MEI4: variants seen among roughly 807,000 people sequenced by gnomAD.
MEI4 encodes meiosis-specific protein MEI4.
MEI4 carries 27 observed loss-of-function variants against 31.4 expected under a neutral mutation model. The ratio of observed to expected loss-of-function variants is 0.86; its 90% CI spans 0.63 to 1.19. MEI4 has a LOEUF of 1.19. MEI4 is among the 50% of genes most tolerant of loss of function. The pLI is 0.00. For synonymous variants in MEI4, 122 were observed against 145.4 expected, an observed-to-expected ratio of 0.84 and a Z score of 1.16; for missense variants, 329 against 398.9, an observed-to-expected ratio of 0.82 and a Z score of 1.49.
chr6:77,917,518 C>G (rs943759178), intron 4 of MEI4, among the ~76,000 whole-genome samples: 24 of 146,956 alleles, frequency 1.6e-4, no homozygotes, highest in Non-Finnish European at 2.4e-4. Context: ...TCTCTGATGG[C>G]CAGTGATGGT....
chr6:77,668,156 C>T (rs1293252023), intron 1 of MEI4, among the ~76,000 whole-genome samples: 1 of 152,008 alleles, frequency 6.6e-6, no homozygotes, highest in African/African-American at 2.4e-5. Flanking sequence ...ATCAAGGACT[C>T]ATTAGAGGGG....
At chr6:77,734,986 GT>G (rs1421053576) in intron 2 of MEI4, among the ~76,000 whole-genome samples, 1 of 151,976 alleles carries the variant, frequency 6.6e-6, no homozygotes, top group African/African-American at 2.4e-5. Flanking sequence ...GGCTTGTAGG[GT>G]TTCTGCCGAG....
At chr6:77,832,302 T>C (rs573912590) in intron 4 of MEI4, among the ~76,000 whole-genome samples, 3 of 152,126 alleles carry the variant, frequency 2.0e-5, no homozygotes, top group South Asian at 2.1e-4. Flanking sequence ...TTTTTAATGA[T>C]ATAAACTTTT....
chr6:77,817,426 T>C (rs187861397), intron 3 of MEI4, among the ~76,000 whole-genome samples: 1 of 152,128 alleles, frequency 6.6e-6, no homozygotes, highest in Non-Finnish European at 1.5e-5. Flanking sequence ...GGGAGATCTT[T>C]ATGTTTAAAC....
intron 2 of MEI4, among the ~76,000 whole-genome samples, chr6:77,740,407 G>C (rs1032857998): frequency 2.6e-5 from 4 of 152,038 alleles, no homozygotes; most frequent in Admixed American, 2.6e-4. Context: ...CTGTCAGTGG[G>C]GTGCTGAAGT....
chr6:77,873,832 G>A (rs1163161272), intron 4 of MEI4, among the ~76,000 whole-genome samples: 1 of 152,184 alleles, frequency 6.6e-6, no homozygotes. Context: ...TGGCTAGCCA[G>A]TTTTCCCAGC....
chr6:77,654,285 A>G (rs982195898), intron 1 of MEI4, among the ~76,000 whole-genome samples: 3 of 152,190 alleles, frequency 2.0e-5, no homozygotes, highest in African/African-American at 7.2e-5. Context: ...GTTGACTGTT[A>G]TATCCCTGTG....
chr6:77,770,043 G>T (rs886231396), intron 3 of MEI4, among the ~76,000 whole-genome samples: 1 of 151,738 alleles, frequency 6.6e-6, no homozygotes, highest in Non-Finnish European at 1.5e-5. Flanking sequence ...AGCACCAAGA[G>T]AGCACCTGGG....
chr6:77,836,199 G>C (rs2127713321), intron 4 of MEI4, among the ~76,000 whole-genome samples: 1 of 152,144 alleles, frequency 6.6e-6, no homozygotes, highest in East Asian at 1.9e-4. Context: ...TAATTTTTAA[G>C]TGATTTTTCA....
At chr6:77,730,697 T>C (rs928532664) in intron 2 of MEI4, among the ~76,000 whole-genome samples, 4 of 152,020 alleles carry the variant, frequency 2.6e-5, no homozygotes, top group African/African-American at 9.7e-5. Context: ...TACATATGTA[T>C]ACATGTGCCA....
chr6:77,772,880 A>G (rs183286329), intron 3 of MEI4, among the ~76,000 whole-genome samples: 1 of 152,174 alleles, frequency 6.6e-6, no homozygotes, highest in Admixed American at 6.5e-5. Context: ...ACAAAGAGAA[A>G]TCACTAGCAT....
chr6:77,800,431 T>C (rs1218372056), intron 3 of MEI4, among the ~76,000 whole-genome samples: 1 of 152,228 alleles, frequency 6.6e-6, no homozygotes, highest in African/African-American at 2.4e-5. Flanking sequence ...TACAATCAAG[T>C]CATCTGCAAA....
upstream of MEI4, among the ~76,000 whole-genome samples, chr6:77,652,770 ATG>A (rs945322914): frequency 7.2e-4 from 110 of 152,274 alleles, no homozygotes; most frequent in African/African-American, 2.4e-3. Context: ...AGAGCTCATC[ATG>A]TGTTAGCCAC....
intron 2 of MEI4, among the ~76,000 whole-genome samples, chr6:77,731,709 T>A: frequency 6.6e-6 from 1 of 151,442 alleles, no homozygotes. Flanking sequence ...TGCCCATGCC[T>A]ATGTCCTGAA....
At chr6:77,701,468 C>T (rs1332679856) in intron 2 of MEI4, among the ~76,000 whole-genome samples, 1 of 152,018 alleles carries the variant, frequency 6.6e-6, no homozygotes, top group South Asian at 2.1e-4. Flanking sequence ...TATTATATTA[C>T]ACGGTCATTT....
chr6:77,699,642 G>T (rs191949337), intron 2 of MEI4, among the ~76,000 whole-genome samples: 378 of 152,290 alleles, frequency 2.5e-3, no homozygotes, highest in Non-Finnish European at 3.9e-3. Context: ...TCCTTTGGAG[G>T]AGGAGAGGCA....
chr6:77,828,653 G>T (rs538383253), intron 3 of MEI4, among the ~76,000 whole-genome samples: 1 of 152,120 alleles, frequency 6.6e-6, no homozygotes, highest in African/African-American at 2.4e-5. Flanking sequence ...TATTCATTCT[G>T]TATATAGCCT....
chr6:77,736,163 G>A (rs915126797), intron 2 of MEI4, among the ~76,000 whole-genome samples: 3 of 152,066 alleles, frequency 2.0e-5, no homozygotes, highest in African/African-American at 7.3e-5. Flanking sequence ...GGGCTCCACC[G>A]GGTTCGAGCT....
intron 4 of MEI4, among the ~76,000 whole-genome samples, chr6:77,871,452 A>G (rs1314343915): frequency 6.6e-6 from 1 of 152,188 alleles, no homozygotes; most frequent in Non-Finnish European, 1.5e-5. Context: ...GGAACAGAAA[A>G]CCAAATACCA....
Sources: allele counts gnomAD v4.1 joint callset (sites outside exome capture counted in the v4.1 genomes callset), GRCh38; gene constraint gnomAD v4.1.1; transcripts MANE v1.5; gene names NCBI Gene and HGNC (gene_info 2026-07-23, HGNC 2026-07-21).